The following STMN2 variants were observed in gnomAD, a reference collection of about 807,000 sequenced individuals.
STMN2 encodes the protein stathmin-2.
Under a neutral mutation model 24.1 loss-of-function variants are expected in STMN2, and 2 were observed. That is an observed-to-expected ratio of 0.08 (90% CI 0.03 to 0.26). STMN2 has a LOEUF of 0.26. Ranked by LOEUF, STMN2 falls within the 10% of genes least tolerant of loss-of-function variation. STMN2 has a pLI of 1.00. For synonymous variants in STMN2, 83 were observed against 77.5 expected, an observed-to-expected ratio of 1.07 and a Z score of -0.37; for missense variants, 114 against 213.6, an observed-to-expected ratio of 0.53 and a Z score of 2.91.
intron 1 of STMN2, chr8:79,611,746 T>A: frequency 1.0e-6 from 1 of 983,738 alleles, no homozygotes; most frequent in Non-Finnish European, 1.2e-6. Context: ...TTTTACGGTA[T>A]TGTCTCGTCG....
At chr8:79,617,805 T>G (rs747453841) in intron 1 of STMN2, among the ~76,000 whole-genome samples, 2 of 152,240 alleles carry the variant, frequency 1.3e-5, no homozygotes, top group Non-Finnish European at 2.9e-5. Flanking sequence ...AAATTCCAGA[T>G]TCTCTATGGG....
At chr8:79,648,069 C>T (rs983250300) in intron 3 of STMN2, among the ~76,000 whole-genome samples, 1 of 152,206 alleles carries the variant, frequency 6.6e-6, no homozygotes, top group African/African-American at 2.4e-5. Flanking sequence ...ATTACATGAG[C>T]ATCCTTAGCA....
chr8:79,658,111 G>A (rs1009209978), intron 4 of STMN2, among the ~76,000 whole-genome samples: 1 of 152,138 alleles, frequency 6.6e-6, no homozygotes, highest in Non-Finnish European at 1.5e-5. Context: ...GAAATATAAT[G>A]ATACCTTGCC....
intron 4 of STMN2, chr8:79,663,711 CTT>C (rs1281278280): frequency 1.5e-6 from 2 of 1,378,984 alleles, no homozygotes; most frequent in Admixed American, 5.1e-5. Flanking sequence ...TAATTAGCAT[CTT>C]AAAATTTCAA....
Position 79,655,130 on chromosome 8 carries a change from T to C in STMN2, c.480+68T>C, listed in dbSNP as rs1351491943. 2.6e-6 allele frequency: 4 copies of C among 1,561,302 alleles called. No homozygotes were observed. The East Asian group carries it at 6.8e-5, about 27-fold the overall frequency. On this transcript the variant is annotated intron_variant, in intron 4 of 4. Coordinates refer to ENST00000220876, the MANE Select transcript of STMN2 (RefSeq NM_007029.4). ...CAGCACAGCTGGGTGAACTTCCATA[T>C]GCCTGAGCACAGAGACGAAGTCAAA...
At chr8:79,651,370 T>A (rs1459776499) in intron 3 of STMN2, among the ~76,000 whole-genome samples, 1 of 152,188 alleles carries the variant, frequency 6.6e-6, no homozygotes, top group African/African-American at 2.4e-5. Flanking sequence ...CCCATTAAAT[T>A]GAGTCATTTC....
intron 2 of STMN2, among the ~76,000 whole-genome samples, chr8:79,639,636 C>A (rs1368675549): frequency 1.3e-5 from 2 of 152,164 alleles, no homozygotes; most frequent in African/African-American, 4.8e-5. Flanking sequence ...GTCTGATAAT[C>A]TGCTTATCTT....
Position 79,665,000 on chromosome 8 carries a change from AAAC to A in STMN2, c.*129_*131del, listed in dbSNP as rs1276908771. ...AAAAGAACTCATTATAAAAAAAAAA[AAAC>A]AAAAAAAATCAAAAATTAAAAAAAA... On this transcript the variant is annotated 3_prime_UTR_variant, in exon 5 of 5. Coordinates refer to ENST00000220876, the MANE Select transcript of STMN2 (RefSeq NM_007029.4). 7.3e-5 allele frequency: 65 copies of A among 886,582 alleles called. No individual in the cohort carries two copies. In the African/African-American group the frequency reaches 8.0e-4, roughly 11 times the overall value. 54.9% of individuals were successfully genotyped at this position (886,582 alleles called of 1,614,324 possible).
chr8:79,611,275 C>T, intron 1 of STMN2, 61 bp downstream of exon 1: 3 of 1,602,132 alleles, frequency 1.9e-6, no homozygotes, highest in Non-Finnish European at 2.6e-6. Flanking sequence ...CACCTCCTCT[C>T]TTGAGCTCTA....
At chr8:79,643,944 T>C (rs1195180374) in intron 3 of STMN2, among the ~76,000 whole-genome samples, 1 of 150,974 alleles carries the variant, frequency 6.6e-6, no homozygotes, top group Non-Finnish European at 1.5e-5. Flanking sequence ...AGTGGTCGGG[T>C]TTTATTTTTA....
Position 79,637,924 on chromosome 8 carries a change from A to G in STMN2, c.115+1027A>G, listed in dbSNP as rs181588371. On this transcript the variant is annotated intron_variant, in intron 2 of 4. Transcript: ENST00000220876. ...GGCATTTACCTTCCAAAGTTATTCT[A>G]TCGTAGCACAAAAATCATAAATGCT... Among the ~76,000 whole-genome samples, 23 of 152,332 alleles carry G rather than the reference A, an allele frequency of 1.5e-4. No individual in the cohort carries two copies. The East Asian group carries it at 4.4e-3, about 29-fold the overall frequency.
Position 79,636,951 on chromosome 8 carries a change from G to A in STMN2, c.115+54G>A. 4.6e-6 allele frequency: 7 copies of A among 1,534,810 alleles called. 1 individual carries two copies. The highest frequency in any genetic ancestry group is 6.3e-6 in the Non-Finnish European group (7 of 1,112,842). On this transcript the variant is annotated intron_variant, in intron 2 of 4. Transcript: ENST00000220876. ...GCTAGCTAGATCATTTGGAAAGGTT[G>A]ACATATATTTGTTTCTTACAGCTCC...
At chr8:79,622,117 C>T (rs996451294) in intron 1 of STMN2, among the ~76,000 whole-genome samples, 3 of 151,976 alleles carry the variant, frequency 2.0e-5, no homozygotes, top group Non-Finnish European at 4.4e-5. Context: ...TAGAGGTGGG[C>T]GTGGGTATCC....
chr8:79,650,851 A>C (rs1186578065), intron 3 of STMN2, among the ~76,000 whole-genome samples: 1 of 152,114 alleles, frequency 6.6e-6, no homozygotes, highest in African/African-American at 2.4e-5. Flanking sequence ...AGGCAAGAGG[A>C]TCTCTTGAGC....
At chr8:79,620,237 ATATT>A (rs994477612) in intron 1 of STMN2, among the ~76,000 whole-genome samples, 1 of 148,844 alleles carries the variant, frequency 6.7e-6, no homozygotes, top group African/African-American at 2.4e-5. Flanking sequence ...ACCTATCAAA[ATATT>A]TATATGTAAT....
At chr8:79,635,848 T>C (rs559019187) in intron 1 of STMN2, among the ~76,000 whole-genome samples, 26 of 152,122 alleles carry the variant, frequency 1.7e-4, no homozygotes, top group African/African-American at 6.0e-4. Flanking sequence ...TCAGCATCAT[T>C]TAATATTCCC....
intron 1 of STMN2, among the ~76,000 whole-genome samples, chr8:79,611,516 C>CT (rs1430669243): frequency 2.0e-5 from 3 of 151,816 alleles, no homozygotes; most frequent in Admixed American, 1.3e-4. Context: ...AGGAAGCTAC[C>CT]TTAACTGTTT....
At chr8:79,640,378 C>A (rs1217431272) in intron 2 of STMN2, among the ~76,000 whole-genome samples, 3 of 152,142 alleles carry the variant, frequency 2.0e-5, no homozygotes, top group African/African-American at 7.2e-5. Context: ...TCTTTCTGTG[C>A]CTAGCTTATT....
chr8:79,631,331 T>C, intron 1 of STMN2: 1 of 598,208 alleles, frequency 1.7e-6, no homozygotes, highest in Non-Finnish European at 2.1e-6. Flanking sequence ...CTTTATTTCA[T>C]TTGATATCCA....
Sources: allele counts gnomAD v4.1 joint callset (sites outside exome capture counted in the v4.1 genomes callset), GRCh38; gene constraint gnomAD v4.1.1; transcripts MANE v1.5; gene names NCBI Gene and HGNC (gene_info 2026-07-23, HGNC 2026-07-21).